NLRP10: variants seen among roughly 807,000 people sequenced by gnomAD.
NLRP10 encodes NLR family pyrin domain containing 10.
A neutral mutation model predicts 8.2 loss-of-function variants in NLRP10; 7 were observed. That is an observed-to-expected ratio of 0.85 (90% CI 0.48 to 1.60). The LOEUF (loss-of-function observed/expected upper bound fraction) is 1.60, where lower values mean the gene tolerates loss of function less well. Among genes scored for constraint, NLRP10 ranks in the 40% most tolerant of loss-of-function variants. The pLI is 0.00. For synonymous variants in NLRP10, 338 were observed against 314.0 expected (o/e 1.08, Z -0.81); for missense variants, 814 against 776.3 (o/e 1.05, Z -0.58).
At chr11:7,961,401 T>C (rs1941727683) in intron 2 of NLRP10, 79 bp from the exon 3 acceptor site, 1 of 883,244 alleles carries the variant, frequency 1.1e-6, no homozygotes, top group Non-Finnish European at 1.8e-6. Flanking sequence ...CTGACTCTGC[T>C]CATTAGTCTT....
rs1306259560 is a variant in NLRP10, at chr11:7,959,603, G to A, written c.*41C>T. 9.6e-7 allele frequency: 1 copy of A among 1,038,102 alleles called. No homozygotes were observed. Among genetic ancestry groups the A allele is most frequent in the South Asian group, 1.7e-5 (1 of 59,282 alleles). 64.3% of individuals were successfully genotyped at this position (1,038,102 alleles called of 1,614,324 possible). On this transcript the variant is annotated 3_prime_UTR_variant, in exon 3 of 3. Transcript: ENST00000691676. ...CTTTGATTTCTTTCCTCAGAGTGTT[G>A]TCATTTTCCTCATAGAGATCTTGTA...
rs1589894694 is a variant in NLRP10 at position 7,963,712 on chromosome 11, C to G, written c.-45-172G>C. On this transcript the variant is annotated intron_variant, in intron 1 of 2. Transcript: ENST00000691676. The stretch of plus-strand genomic sequence containing the variant: ...AATTTTCCTAGTCATTCCCCTCTGC[C>G]TCTTAGTCAGGTGACACGTGACTGT... 1.4e-5 allele frequency: 8 copies of G among 576,090 alleles called. No homozygotes were observed. The East Asian group carries it at 2.0e-4, about 14-fold the overall frequency. 35.7% of individuals were successfully genotyped at this position (576,090 alleles called of 1,614,324 possible).
Position 7,960,023 on chromosome 11 carries a change from T to C in NLRP10, c.1589A>G (p.Glu530Gly). 6.2e-7 allele frequency: 1 copy of C among 1,613,884 alleles called. No homozygotes were observed. Among genetic ancestry groups the C allele is most frequent in the South Asian group, 1.1e-5 (1 of 91,074 alleles). ...ISKKDSFSNL[E>G]LKFCFRISPC... ...AGAAATTCTGAAGCAGAACTTGAGC[T>C]CCAAGTTCGAGAAGCTGTCTTTTTT... Residue 530 changes from glutamate (E) to glycine (G), a missense_variant, in exon 3 of 3, where the codon GAG becomes GGG. Transcript: ENST00000691676.
chr11:7,964,764 A>C (rs1941793138), intron 1 of NLRP10, among the ~76,000 whole-genome samples: 1 of 152,252 alleles, frequency 6.6e-6, no homozygotes, highest in African/African-American at 2.4e-5. Flanking sequence ...AAAGGAGAGC[A>C]GAGTTTTGAA....
At position 7,960,139 on chromosome 11, in the gene NLRP10, G is replaced by A; in HGVS notation, c.1473C>T (p.Ser491=). 6.2e-7 allele frequency: 1 copy of A among 1,614,106 alleles called. No individual in the cohort carries two copies. The highest frequency in any genetic ancestry group is 1.1e-5 in the South Asian group (1 of 91,076). ...KEDQSRLGKE[S]RREVQRLLEV... is the part of the protein sequence containing the mutation. ...CCAGCAGCCTTTGCACTTCTCTGCG[G>A]GACTCCTTCCCCAGCCGGCTTTGGT... The change falls in exon 3 of 3, where the codon TCC becomes TCT. Residue 491 remains serine, a synonymous_variant. Coordinates refer to ENST00000691676, the MANE Select transcript of NLRP10 (RefSeq NM_001391958.1).
Position 7,960,663 on chromosome 11 carries a change from C to T in NLRP10, c.949G>A (p.Glu317Lys). The T allele has an allele frequency of 2.5e-6, 4 of 1,614,172 alleles. No homozygotes were observed. Among genetic ancestry groups the T allele is most frequent in the Admixed American group, 1.7e-5 (1 of 60,018 alleles). ...CTGAAGTACCTCGCCCTCTCCTCCT[C>T]AGAGAAGCCTAGGATATGGACATGA... ...ARHVHILGFS[E>K]EERARYFSSY... Residue 317 changes from glutamate (E) to lysine (K), a missense_variant, in exon 3 of 3, where the codon GAG becomes AAG. Coordinates refer to ENST00000691676, the MANE Select transcript of NLRP10 (RefSeq NM_001391958.1).
Position 7,959,840 on chromosome 11 carries a change from G to T in NLRP10, c.1772C>A (p.Ser591Ter). Residue 591 changes from serine to a stop codon, truncating the protein, a stop_gained, in exon 3 of 3, where the codon TCA (serine) becomes TAA (stop). Coordinates refer to ENST00000691676, the MANE Select transcript of NLRP10 (RefSeq NM_001391958.1). LOFTEE classifies it low-confidence loss of function (END_TRUNC). ...MNNVSFKIKH[S>*]NEKKSQSQNL... ...CTGGCTCTGTGATTTCTTTTCATTT[G>T]AATGTTTTATCTTGAATGATACATT... The T allele has an allele frequency of 6.2e-7, 1 of 1,613,612 alleles. No homozygotes were observed. Among genetic ancestry groups the T allele is most frequent in the Non-Finnish European group, 8.5e-7 (1 of 1,179,842 alleles).
At chr11:7,961,381 C>G (rs952068598) in intron 2 of NLRP10, 59 bp from the exon 3 acceptor site, 6 of 1,085,682 alleles carry the variant, frequency 5.5e-6, no homozygotes, top group Non-Finnish European at 2.7e-6. Context: ...GGCAAAATGG[C>G]CCCTCCAAAC....
chr11:7,960,430 C>G lies in NLRP10; in HGVS notation c.1182G>C (p.Pro394=). The G allele has an allele frequency of 6.2e-7, 1 of 1,613,966 alleles. No homozygotes were observed. Among genetic ancestry groups the G allele is most frequent in the East Asian group, 2.2e-5 (1 of 44,878 alleles). Residue 394 remains proline, a synonymous_variant, in exon 3 of 3, where the codon CCG becomes CCC. Coordinates refer to ENST00000691676, the MANE Select transcript of NLRP10 (RefSeq NM_001391958.1). The part of the protein sequence containing the change: ...IFMAYVSTFL[P]PDDDGGCSEL... ...CGGAGCAGCCCCCATCATCATCGGG[C>G]GGCAGAAAGGTGGAGACGTAAGCCA...
Position 7,959,535 on chromosome 11 carries a change from T to C in NLRP10, c.*109A>G, listed in dbSNP as rs1247417190. 2 of 609,180 alleles carry C rather than the reference T, an allele frequency of 3.3e-6. No individual in the cohort carries two copies. Among genetic ancestry groups the C allele is most frequent in the East Asian group, 2.9e-5 (1 of 34,556 alleles). The allele number at this position is 609,180 out of a possible 1,614,324, so 37.7% of individuals were successfully genotyped here. On this transcript the variant is annotated 3_prime_UTR_variant, in exon 3 of 3. Coordinates refer to ENST00000691676, the MANE Select transcript of NLRP10 (RefSeq NM_001391958.1). The stretch of plus-strand genomic sequence containing the variant: ...TAACATCTTAACAATATTGAGTCTT[T>C]CTATTCATGAACATGGAAAATCTTC...
chr11:7,962,668 C>T (rs1941751774), intron 2 of NLRP10, among the ~76,000 whole-genome samples: 1 of 152,132 alleles, frequency 6.6e-6, no homozygotes, highest in Admixed American at 6.6e-5. Context: ...ATGAAAGGAG[C>T]CTATGGGAGG....
chr11:7,957,731 A>T lies in NLRP10; in HGVS notation c.*1913T>A, dbSNP rs140395701. ...ATTTTGATACACTATTATTAACTAC[A>T]AGGCACAGTTTACATTAGGATTCAC... On this transcript the variant is annotated 3_prime_UTR_variant, in exon 3 of 3. Transcript: ENST00000691676. 3.9e-3 allele frequency among the ~76,000 whole-genome samples: 600 copies of T among 152,240 alleles called. 7 individuals are homozygous for T. The highest frequency in any genetic ancestry group is 0.013 in the African/African-American group (533 of 41,530).
chr11:7,963,190 C>G lies in NLRP10; in HGVS notation c.289+17G>C. 1 of 1,609,364 alleles carries G rather than the reference C, an allele frequency of 6.2e-7. No individual in the cohort carries two copies. The highest frequency in any genetic ancestry group is 8.5e-7 in the Non-Finnish European group (1 of 1,176,958). On this transcript the variant is annotated intron_variant, in intron 2 of 2. Coordinates refer to ENST00000691676, the MANE Select transcript of NLRP10 (RefSeq NM_001391958.1). ...CCAGTGCCATCCTGCCCTCCCCTTC[C>G]CCCGCTCCACACTCACCATGCAGAC... is the stretch of plus-strand genomic sequence containing the variant.
chr11:7,961,449 G>A (rs930102262), intron 2 of NLRP10, 127 bp from the exon 3 acceptor site: 3 of 675,126 alleles, frequency 4.4e-6, no homozygotes, highest in Non-Finnish European at 7.5e-6. Context: ...TGAGATTATA[G>A]TTCTGGCTTC....
At chr11:7,964,331 C>T (rs1166647486) in intron 1 of NLRP10, among the ~76,000 whole-genome samples, 1 of 152,202 alleles carries the variant, frequency 6.6e-6, no homozygotes, top group Non-Finnish European at 1.5e-5. Context: ...AAAAAATCTA[C>T]ACTCAACCCA....
intron 2 of NLRP10, 54 bp from the exon 3 acceptor site, chr11:7,961,376 A>G: frequency 8.4e-7 from 1 of 1,194,578 alleles, no homozygotes. Context: ...TAGAAGGCAA[A>G]ATGGCCCCTC....
At chr11:7,963,184 C>T (rs1941761809) in intron 2 of NLRP10, 23 bp downstream of exon 2, 1 of 1,606,580 alleles carries the variant, frequency 6.2e-7, no homozygotes, top group Non-Finnish European at 8.5e-7. Flanking sequence ...TCCTGCCCTC[C>T]CCTTCCCCCG....
rs757777544 is a variant in NLRP10, at chr11:7,963,433, C to T, written c.63G>A (p.Glu21=). The change falls in exon 2 of 3, where the codon GAG becomes GAA. Residue 21 remains glutamate, a synonymous_variant. Coordinates refer to ENST00000691676, the MANE Select transcript of NLRP10 (RefSeq NM_001391958.1). Reference sequence around the variant, plus strand: ...ACTTTAACTTCTTGAAATCGTTCTCCTCAAGGTCACTCAAGGCCCAGAGCA... The same window carrying T: ...ACTTTAACTTCTTGAAATCGTTCTCTTCAAGGTCACTCAAGGCCCAGAGCA... ...EALLWALSDL[E]ENDFKKLKFY... is the part of the protein sequence containing the mutation. The T allele has an allele frequency of 3.1e-6, 5 of 1,614,116 alleles. No individual in the cohort carries two copies. The highest frequency in any genetic ancestry group is 1.3e-5 in the African/African-American group (1 of 75,040).
intron 2 of NLRP10, among the ~76,000 whole-genome samples, chr11:7,961,939 C>A (rs10839952): frequency 2.6e-5 from 4 of 152,056 alleles, no homozygotes; most frequent in Admixed American, 2.6e-4. Flanking sequence ...GCCCTCCCCA[C>A]GGTAATGAAC....
Sources: gnomAD v4.1 joint callset for allele counts (sites outside exome capture counted in the v4.1 genomes callset) on GRCh38, gnomAD v4.1.1 for gene constraint, MANE v1.5 for transcripts, NCBI Gene and HGNC (gene_info 2026-07-23, HGNC 2026-07-21) for gene names.